Variants in LRRC4C observed in about 807,000 individuals in gnomAD.
The protein encoded by LRRC4C is leucine rich repeat containing 4C.
In LRRC4C, 5 loss-of-function variants were observed where a neutral mutation model predicts 33.6. That is an observed-to-expected ratio of 0.15 (90% CI 0.08 to 0.31). The LOEUF (loss-of-function observed/expected upper bound fraction) is 0.31. LRRC4C is among the 10% of genes least tolerant of loss of function. LRRC4C has a pLI of 1.00. For missense variants in LRRC4C, 560 were observed against 796.7 expected, an observed-to-expected ratio of 0.70 and a Z score of 3.58; for synonymous variants, 329 against 302.0, an observed-to-expected ratio of 1.09 and a Z score of -0.93.
At chr11:41,219,448 C>G (rs994929594) in intron 1 of LRRC4C, among the ~76,000 whole-genome samples, 1 of 152,198 alleles carries the variant, frequency 6.6e-6, no homozygotes, top group African/African-American at 2.4e-5. Flanking sequence ...AAGCCCATAT[C>G]GGAAGACTGC....
chr11:40,775,527 T>C (rs1949956831), intron 2 of LRRC4C, among the ~76,000 whole-genome samples: 1 of 152,232 alleles, frequency 6.6e-6, no homozygotes, highest in Admixed American at 6.5e-5. Flanking sequence ...TTTTATTTTA[T>C]TTTATTTTTG....
intron 3 of LRRC4C, among the ~76,000 whole-genome samples, chr11:40,491,103 T>C (rs939684378): frequency 5.3e-5 from 8 of 152,146 alleles, no homozygotes; most frequent in South Asian, 2.1e-4. Context: ...ATCAACATAG[T>C]AAAACCCCAT....
intron 1 of LRRC4C, among the ~76,000 whole-genome samples, chr11:41,203,901 G>T (rs892584473): frequency 6.6e-6 from 1 of 152,130 alleles, no homozygotes; most frequent in Non-Finnish European, 1.5e-5. Context: ...CTGGAAAATC[G>T]CTGACAGGTG....
intron 1 of LRRC4C, among the ~76,000 whole-genome samples, chr11:40,969,973 G>A (rs1380370032): frequency 1.3e-5 from 2 of 152,150 alleles, no homozygotes; most frequent in East Asian, 3.9e-4. Context: ...GTGTCTGCCT[G>A]TTCAAGCCTG....
intron 3 of LRRC4C, among the ~76,000 whole-genome samples, chr11:40,342,227 T>C (rs1184882280): frequency 5.3e-5 from 8 of 152,136 alleles, no homozygotes; most frequent in East Asian, 1.9e-4. Context: ...TCACAGCACT[T>C]TGGGAGGCTG....
intron 2 of LRRC4C, among the ~76,000 whole-genome samples, chr11:40,761,163 C>T (rs1214391998): frequency 1.3e-5 from 2 of 152,042 alleles, no homozygotes; most frequent in Non-Finnish European, 2.9e-5. Flanking sequence ...GTTCGCCGCA[C>T]CTGATCTAGA....
chr11:41,231,424 T>TAC (rs1947788613), intron 1 of LRRC4C, among the ~76,000 whole-genome samples: 1 of 151,610 alleles, frequency 6.6e-6, no homozygotes. Context: ...CACCATGGAA[T>TAC]ACTATGCAGC....
At chr11:40,788,517 C>T (rs192511334) in intron 2 of LRRC4C, among the ~76,000 whole-genome samples, 1 of 152,296 alleles carries the variant, frequency 6.6e-6, no homozygotes, top group African/African-American at 2.4e-5. Context: ...AGATACCATA[C>T]TTAGAACCAA....
At chr11:40,735,407 T>C (rs11036052) in intron 2 of LRRC4C, among the ~76,000 whole-genome samples, 106,712 of 137,892 alleles carry the variant, frequency 0.77, 41,754 homozygotes, top group Middle Eastern at 0.83. Context: ...TGAGAACATG[T>C]GGTGTTTGGT....
intron 5 of LRRC4C, among the ~76,000 whole-genome samples, chr11:40,212,720 A>G (rs1393072800): frequency 1.3e-5 from 2 of 152,152 alleles, no homozygotes; most frequent in African/African-American, 4.8e-5. Context: ...ATTTGTCAGA[A>G]GAGAAAACAG....
chr11:40,943,185 C>T (rs1156308538), intron 1 of LRRC4C, among the ~76,000 whole-genome samples: 1 of 152,154 alleles, frequency 6.6e-6, no homozygotes, highest in South Asian at 2.1e-4. Context: ...GAAGAAATGA[C>T]TAAATAACTA....
intron 3 of LRRC4C, among the ~76,000 whole-genome samples, chr11:40,502,626 A>T (rs565107625): frequency 6.6e-6 from 1 of 152,250 alleles, no homozygotes; most frequent in African/African-American, 2.4e-5. Context: ...ATTATCTCCC[A>T]CCTGGTCCCT....
chr11:40,916,023 C>T (rs548770449), intron 2 of LRRC4C, among the ~76,000 whole-genome samples: 1 of 152,242 alleles, frequency 6.6e-6, no homozygotes, highest in South Asian at 2.1e-4. Context: ...GTTAGAATGG[C>T]AATCATTAAA....
intron 1 of LRRC4C, among the ~76,000 whole-genome samples, chr11:41,327,637 C>T (rs1391264177): frequency 6.6e-6 from 1 of 152,074 alleles, no homozygotes; most frequent in Non-Finnish European, 1.5e-5. Flanking sequence ...GGCTGTGTCC[C>T]CACCCAAATC....
At chr11:41,329,981 A>G (rs1013232759) in intron 1 of LRRC4C, among the ~76,000 whole-genome samples, 20 of 152,218 alleles carry the variant, frequency 1.3e-4, no homozygotes, top group African/African-American at 4.6e-4. Flanking sequence ...TGCACCCTGT[A>G]CCTGAATTTT....
At chr11:40,515,774 T>C (rs1403947008) in intron 3 of LRRC4C, among the ~76,000 whole-genome samples, 1 of 152,094 alleles carries the variant, frequency 6.6e-6, no homozygotes, top group Non-Finnish European at 1.5e-5. Flanking sequence ...TTAAATATTT[T>C]AGCCATGTTT....
intron 3 of LRRC4C, among the ~76,000 whole-genome samples, chr11:40,573,569 C>G (rs955712194): frequency 6.6e-6 from 1 of 152,024 alleles, no homozygotes; most frequent in African/African-American, 2.4e-5. Context: ...TTTATGAGCC[C>G]CAGGGTTAAA....
At chr11:40,910,823 C>T (rs1380520276) in intron 2 of LRRC4C, among the ~76,000 whole-genome samples, 1 of 152,160 alleles carries the variant, frequency 6.6e-6, no homozygotes, top group Admixed American at 6.5e-5. Flanking sequence ...CAGATGGCAC[C>T]TGGAAAATCA....
At chr11:40,151,424 G>T (rs1858199416) in intron 5 of LRRC4C, among the ~76,000 whole-genome samples, 1 of 152,124 alleles carries the variant, frequency 6.6e-6, no homozygotes, top group Non-Finnish European at 1.5e-5. Context: ...TGGAACTAGA[G>T]TTTCTAGACT....
Sources: gnomAD v4.1 joint callset for allele counts (sites outside exome capture counted in the v4.1 genomes callset) on GRCh38, gnomAD v4.1.1 for gene constraint, MANE v1.5 for transcripts, NCBI Gene and HGNC (gene_info 2026-07-23, HGNC 2026-07-21) for gene names.